Variants in CSMD3 observed in about 807,000 individuals in gnomAD.
CSMD3 encodes the protein CUB and Sushi multiple domains 3.
CSMD3 carries 177 observed loss-of-function variants against 435.2 expected under a neutral mutation model. That is an observed-to-expected ratio of 0.41 (90% CI 0.36 to 0.46). CSMD3 has a LOEUF of 0.46. CSMD3 is among the 20% of genes least tolerant of loss of function. The pLI, the probability that CSMD3 is intolerant of heterozygous loss-of-function variation, is 0.34. For synonymous variants in CSMD3, 1,656 were observed against 1,520.5 expected (o/e 1.09, Z -2.07); for missense variants, 4,265 against 4,504.6 (o/e 0.95, Z 1.52).
chr8:112,536,970 G>A (rs1014115573), intron 27 of CSMD3, among the ~76,000 whole-genome samples: 2 of 152,032 alleles, frequency 1.3e-5, no homozygotes, highest in South Asian at 2.1e-4. Flanking sequence ...ATTGAACAAT[G>A]AGAACACTTG....
chr8:112,524,297 A>C (rs969317422), intron 27 of CSMD3, among the ~76,000 whole-genome samples: 9 of 152,020 alleles, frequency 5.9e-5, no homozygotes, highest in Non-Finnish European at 8.8e-5. Flanking sequence ...GTTGATTTGA[A>C]ATAGAATTCT....
Position 113,122,656 on chromosome 8 carries a change from G to A in CSMD3, c.710-23693C>T, listed in dbSNP as rs146904265. Among the ~76,000 whole-genome samples, 84 of 152,116 alleles carry A rather than the reference G, an allele frequency of 5.5e-4. No individual in the cohort carries two copies. In the East Asian group the frequency reaches 0.015, roughly 27 times the overall value. ...TTTTCAAGATAGAAAAGGACCAGGAGCCAAGGAATTGAGGCAGCCTCCAGA... is the reference window on the plus strand; with the variant it reads ...TTTTCAAGATAGAAAAGGACCAGGAACCAAGGAATTGAGGCAGCCTCCAGA... On this transcript the variant is annotated intron_variant, in intron 4 of 70. Coordinates refer to ENST00000297405, the MANE Select transcript of CSMD3 (RefSeq NM_198123.2).
intron 32 of CSMD3, among the ~76,000 whole-genome samples, chr8:112,437,770 T>C (rs1252728034): frequency 6.6e-6 from 1 of 152,116 alleles, no homozygotes; most frequent in African/African-American, 2.4e-5. Flanking sequence ...ATGTCACAAG[T>C]ATGGTGAATT....
intron 9 of CSMD3, among the ~76,000 whole-genome samples, chr8:112,941,963 A>G (rs994953897): frequency 6.7e-5 from 10 of 149,690 alleles, no homozygotes; most frequent in Admixed American, 3.3e-4. Flanking sequence ...TTTATTAATT[A>G]AAGTTCATAA....
At chr8:112,276,845 G>A (rs1169669713) in intron 59 of CSMD3, among the ~76,000 whole-genome samples, 2 of 152,124 alleles carry the variant, frequency 1.3e-5, no homozygotes. Context: ...GCCAAGGCTT[G>A]GGGCTTGCAC....
rs531803925 is a variant in CSMD3, at chr8:112,301,319, A to T, written c.8440+474T>A. On this transcript the variant is annotated intron_variant, in intron 53 of 70. Transcript: ENST00000297405. ...AATTGCCTAAAATCAGGTTCAAAAA[A>T]TTTTTTTTTAATTTTAATAGAAATT... Among the ~76,000 whole-genome samples the T allele has an allele frequency of 5.5e-3, 836 of 151,798 alleles. 9 individuals carry two copies. Among genetic ancestry groups the T allele is most frequent in the African/African-American group, 0.015 (616 of 41,436 alleles).
intron 13 of CSMD3, among the ~76,000 whole-genome samples, chr8:112,706,341 C>A (rs1268282979): frequency 2.0e-5 from 3 of 151,494 alleles, no homozygotes; most frequent in Admixed American, 2.0e-4. Flanking sequence ...GACAAGCATA[C>A]AAGTACATAA....
chr8:112,302,189 G>T (rs143660161), intron 52 of CSMD3, among the ~76,000 whole-genome samples: 1 of 149,502 alleles, frequency 6.7e-6, no homozygotes, highest in Non-Finnish European at 1.5e-5. Context: ...CTAAGTAACA[G>T]AGACATAAAG....
intron 52 of CSMD3, among the ~76,000 whole-genome samples, chr8:112,303,334 T>C (rs903645273): frequency 2.0e-5 from 3 of 152,120 alleles, no homozygotes; most frequent in African/African-American, 7.2e-5. Flanking sequence ...GGAGGGCAGA[T>C]CACTTAAGGT....
At chr8:113,395,436 G>A (rs748453698) in intron 1 of CSMD3, among the ~76,000 whole-genome samples, 34 of 151,824 alleles carry the variant, frequency 2.2e-4, no homozygotes, top group Non-Finnish European at 4.6e-4. Flanking sequence ...GTGAAACCCC[G>A]TCTCTACTAA....
intron 5 of CSMD3, among the ~76,000 whole-genome samples, chr8:113,087,521 T>A (rs1372448746): frequency 1.3e-5 from 2 of 152,082 alleles, no homozygotes; most frequent in African/African-American, 4.8e-5. Context: ...TATAGATCAA[T>A]GGAACAGAAC....
chr8:112,235,912 A>G (rs1345691856), intron 67 of CSMD3, among the ~76,000 whole-genome samples: 2 of 152,008 alleles, frequency 1.3e-5, no homozygotes, highest in Non-Finnish European at 2.9e-5. Flanking sequence ...GATTAGAATA[A>G]GTATACATTT....
chr8:112,593,081 A>T (rs1831337212), intron 22 of CSMD3, among the ~76,000 whole-genome samples: 2 of 152,326 alleles, frequency 1.3e-5, no homozygotes, highest in South Asian at 4.1e-4. Flanking sequence ...TTCCAGGCAG[A>T]GTGAAATACT....
chr8:113,228,341 C>G lies in CSMD3; in HGVS notation c.514+50251G>C, dbSNP rs148867510. 6.7e-4 allele frequency among the ~76,000 whole-genome samples: 101 copies of G among 151,556 alleles called. 1 individual carries two copies. The highest frequency in any genetic ancestry group is 2.4e-3 in the African/African-American group (98 of 41,434). On this transcript the variant is annotated intron_variant, in intron 3 of 70. Coordinates refer to ENST00000297405, the MANE Select transcript of CSMD3 (RefSeq NM_198123.2). ...AAACCTGAATTATGATTACATAGTG[C>G]TTTGTATTTCAAAATTTATTTCATT...
intron 17 of CSMD3, among the ~76,000 whole-genome samples, chr8:112,659,496 T>C (rs188408984): frequency 2.6e-5 from 4 of 152,246 alleles, no homozygotes; most frequent in African/African-American, 7.2e-5. Flanking sequence ...CCTAACCAAA[T>C]TGAGATAGTC....
intron 11 of CSMD3, among the ~76,000 whole-genome samples, chr8:112,848,266 T>C (rs2080385252): frequency 6.6e-6 from 1 of 152,092 alleles, no homozygotes; most frequent in African/African-American, 2.4e-5. Context: ...CAGGCACAAA[T>C]ATGATTTAAT....
At chr8:112,571,029 C>T (rs969795825) in intron 24 of CSMD3, among the ~76,000 whole-genome samples, 7 of 152,002 alleles carry the variant, frequency 4.6e-5, no homozygotes, top group African/African-American at 1.4e-4. Context: ...TATTTTGAGA[C>T]GGAGTTTCAC....
chr8:112,402,388 C>A (rs1217916220), intron 35 of CSMD3, among the ~76,000 whole-genome samples: 1 of 152,062 alleles, frequency 6.6e-6, no homozygotes, highest in Non-Finnish European at 1.5e-5. Flanking sequence ...ACAAACAGAA[C>A]CTTTAAGGAT....
At chr8:112,869,963 G>C (rs1286843713) in intron 10 of CSMD3, among the ~76,000 whole-genome samples, 1 of 152,056 alleles carries the variant, frequency 6.6e-6, no homozygotes, top group Non-Finnish European at 1.5e-5. Flanking sequence ...CAGGTTGATA[G>C]GTGCAGCAAA....
Sources: allele counts gnomAD v4.1 joint callset (sites outside exome capture counted in the v4.1 genomes callset), GRCh38; gene constraint gnomAD v4.1.1; transcripts MANE v1.5; gene names NCBI Gene and HGNC (gene_info 2026-07-23, HGNC 2026-07-21).